CSMD1: variants seen among roughly 807,000 people sequenced by gnomAD.
CSMD1 encodes the protein CUB and sushi domain-containing protein 1.
Under a neutral mutation model 417.5 loss-of-function variants are expected in CSMD1, and 213 were observed. The observed-to-expected ratio is 0.51, with a 90% CI of 0.46 to 0.57. The LOEUF (loss-of-function observed/expected upper bound fraction) is 0.57, where lower values mean the gene tolerates loss of function less well. Ranked by LOEUF, CSMD1 falls within the 20% of genes least tolerant of loss-of-function variation. CSMD1 has a pLI of 0.00. For synonymous variants in CSMD1, 2,862 were observed against 1,736.8 expected (o/e 1.65, Z -16.11); for missense variants, 6,923 against 4,529.7 (o/e 1.53, Z -15.17).
At chr8:4,126,222 A>C (rs1802756315) in intron 3 of CSMD1, among the ~76,000 whole-genome samples, 1 of 152,132 alleles carries the variant, frequency 6.6e-6, no homozygotes, top group Admixed American at 6.6e-5. Context: ...TGGGAGACTG[A>C]TTTGAGTAAT....
chr8:3,599,117 G>T (rs28641914), intron 8 of CSMD1, among the ~76,000 whole-genome samples: 32,701 of 149,126 alleles, frequency 0.22, 3,740 homozygotes, highest in Admixed American at 0.27. Context: ...GATTGCAATT[G>T]CTTACTGCTG....
intron 25 of CSMD1, among the ~76,000 whole-genome samples, chr8:3,292,436 C>T (rs976889507): frequency 6.6e-6 from 1 of 152,132 alleles, no homozygotes; most frequent in Non-Finnish European, 1.5e-5. Context: ...GTGTTAAAGT[C>T]TCCCATTATT....
intron 26 of CSMD1, among the ~76,000 whole-genome samples, chr8:3,273,067 T>G (rs537854430): frequency 2.0e-5 from 3 of 152,180 alleles, no homozygotes; most frequent in Non-Finnish European, 4.4e-5. Context: ...TGGCTGTGGG[T>G]TTGTTATAGA....
chr8:3,384,187 T>C (rs1266307976), intron 18 of CSMD1, among the ~76,000 whole-genome samples: 3 of 152,106 alleles, frequency 2.0e-5, no homozygotes, highest in Non-Finnish European at 4.4e-5. Context: ...TAGAAATAAA[T>C]AAATATGTAG....
At chr8:4,261,789 T>C (rs1440353357) in intron 3 of CSMD1, among the ~76,000 whole-genome samples, 1 of 152,150 alleles carries the variant, frequency 6.6e-6, no homozygotes, top group Non-Finnish European at 1.5e-5. Flanking sequence ...ATTAGTTTGA[T>C]AATGGTAATC....
intron 26 of CSMD1, among the ~76,000 whole-genome samples, chr8:3,272,214 C>T (rs1214331711): frequency 1.4e-5 from 2 of 147,122 alleles, no homozygotes; most frequent in Admixed American, 1.4e-4. Flanking sequence ...TTGTTTTACT[C>T]AGGTTTGTCA....
chr8:3,680,396 A>G (rs1799588962), intron 7 of CSMD1, among the ~76,000 whole-genome samples: 1 of 152,208 alleles, frequency 6.6e-6, no homozygotes, highest in Non-Finnish European at 1.5e-5. Context: ...CCATCAGAGA[A>G]TACTATTAAC....
At position 3,190,008 on chromosome 8, in the gene CSMD1, T is replaced by C. The variant is rs913129720; in HGVS notation, c.5302A>G (p.Asn1768Asp). ...GAACCCTGAAGCAGGTATCCCGGGT[T>C]GCACTCGAATCGGACGATGGAGCCG... ...SAGSIVRFEC[N>D]PGYLLQGSTA... is the part of the protein sequence containing the mutation. The change falls in exon 34 of 70, where the codon AAC (asparagine) becomes GAC (aspartate). Residue 1768 changes from asparagine (N) to aspartate (D), a missense_variant. Physicochemically the swap from Asn to Asp is conservative, Grantham distance 23. Coordinates refer to ENST00000635120, the MANE Select transcript of CSMD1 (RefSeq NM_033225.6). The C allele has an allele frequency of 6.3e-7, 1 of 1,598,372 alleles. No individual in the cohort carries two copies. Among genetic ancestry groups the C allele is most frequent in the Non-Finnish European group, 8.5e-7 (1 of 1,172,740 alleles).
chr8:4,155,033 C>T (rs150226397), intron 3 of CSMD1, among the ~76,000 whole-genome samples: 2 of 152,314 alleles, frequency 1.3e-5, no homozygotes, highest in East Asian at 1.9e-4. Flanking sequence ...ATCACAGAAC[C>T]TAACACTGCT....
intron 5 of CSMD1, among the ~76,000 whole-genome samples, chr8:3,922,760 G>C (rs773757068): frequency 9.9e-5 from 15 of 151,960 alleles, no homozygotes; most frequent in South Asian, 4.2e-4. Context: ...TGTAGGTATG[G>C]TTATTTTTAG....
At chr8:4,244,446 A>C (rs925360264) in intron 3 of CSMD1, among the ~76,000 whole-genome samples, 1 of 152,180 alleles carries the variant, frequency 6.6e-6, no homozygotes, top group African/African-American at 2.4e-5. Flanking sequence ...TTGTCAAATA[A>C]TTTTTTAAAA....
At chr8:4,125,787 C>T (rs576642314) in intron 3 of CSMD1, among the ~76,000 whole-genome samples, 1 of 151,092 alleles carries the variant, frequency 6.6e-6, no homozygotes, top group Non-Finnish European at 1.5e-5. Flanking sequence ...GAGCCCTTAT[C>T]AATTGATCAA....
intron 7 of CSMD1, among the ~76,000 whole-genome samples, chr8:3,671,597 T>A (rs1425657040): frequency 1.5e-4 from 14 of 94,776 alleles, no homozygotes; most frequent in Non-Finnish European, 2.8e-4. Flanking sequence ...ATATATATGA[T>A]TAGTTCTATC....
At chr8:4,372,437 T>G (rs780297556) in intron 3 of CSMD1, among the ~76,000 whole-genome samples, 1 of 152,032 alleles carries the variant, frequency 6.6e-6, no homozygotes, top group Non-Finnish European at 1.5e-5. Context: ...TTGTATACCA[T>G]GAATTAGTGA....
At chr8:3,690,488 C>G (rs1800180378) in intron 7 of CSMD1, among the ~76,000 whole-genome samples, 1 of 152,204 alleles carries the variant, frequency 6.6e-6, no homozygotes, top group South Asian at 2.1e-4. Context: ...TGGGGCAATA[C>G]AATGTCTGTA....
chr8:4,458,969 C>G (rs1799648994), intron 2 of CSMD1, among the ~76,000 whole-genome samples: 1 of 152,170 alleles, frequency 6.6e-6, no homozygotes, highest in Non-Finnish European at 1.5e-5. Flanking sequence ...AACATCTAAC[C>G]AAGAACATCT....
chr8:3,047,682 T>C (rs1811551463), intron 50 of CSMD1, among the ~76,000 whole-genome samples: 1 of 152,222 alleles, frequency 6.6e-6, no homozygotes, highest in South Asian at 2.1e-4. Context: ...AAAACCTACA[T>C]TGTGTTTCTT....
chr8:4,013,890 C>G (rs543024078), intron 4 of CSMD1, among the ~76,000 whole-genome samples: 5 of 152,244 alleles, frequency 3.3e-5, no homozygotes, highest in African/African-American at 9.6e-5. Flanking sequence ...GACATGAAAA[C>G]AAAATATTTG....
chr8:3,948,592 G>A (rs954605812), intron 5 of CSMD1, among the ~76,000 whole-genome samples: 15 of 152,042 alleles, frequency 9.9e-5, no homozygotes, highest in African/African-American at 3.6e-4. Flanking sequence ...GATAAACGAT[G>A]AACGTGTTTT....
Sources: allele counts gnomAD v4.1 joint callset (sites outside exome capture counted in the v4.1 genomes callset), GRCh38; gene constraint gnomAD v4.1.1; transcripts MANE v1.5; gene names NCBI Gene and HGNC (gene_info 2026-07-23, HGNC 2026-07-21).